Variants in UNC5C observed in about 807,000 individuals in gnomAD.
UNC5C encodes netrin receptor UNC5C.
A neutral mutation model predicts 99.8 loss-of-function variants in UNC5C; 47 were observed. The observed-to-expected ratio is 0.47, with a 90% CI of 0.37 to 0.60. The LOEUF is 0.60. Ranked by LOEUF, UNC5C falls within the 20% of genes least tolerant of loss-of-function variation. The pLI is 0.00. For missense variants in UNC5C, 1,062 were observed against 1,165.9 expected, an observed-to-expected ratio of 0.91 and a Z score of 1.30; for synonymous variants, 487 against 452.2, an observed-to-expected ratio of 1.08 and a Z score of -0.98.
intron 9 of UNC5C, among the ~76,000 whole-genome samples, chr4:95,218,179 C>A (rs1425971908): frequency 1.3e-5 from 2 of 152,090 alleles, no homozygotes; most frequent in Non-Finnish European, 2.9e-5. Context: ...ATACTCACAG[C>A]CTTGCCCAAA....
chr4:95,290,246 G>A (rs376932557), intron 3 of UNC5C, among the ~76,000 whole-genome samples: 3 of 152,056 alleles, frequency 2.0e-5, no homozygotes, highest in East Asian at 1.9e-4. Flanking sequence ...AGTTAAGGGT[G>A]CAGTGAACTA....
intron 1 of UNC5C, among the ~76,000 whole-genome samples, chr4:95,374,370 C>A (rs1411239216): frequency 6.6e-6 from 1 of 152,112 alleles, no homozygotes; most frequent in Non-Finnish European, 1.5e-5. Context: ...TCTTTAAGTG[C>A]TTTGAGTGTC....
chr4:95,426,101 G>A (rs1163917939), intron 1 of UNC5C, among the ~76,000 whole-genome samples: 2 of 152,114 alleles, frequency 1.3e-5, no homozygotes, highest in East Asian at 3.8e-4. Flanking sequence ...TGGCAACCCT[G>A]TGTCGGACAA....
intron 1 of UNC5C, among the ~76,000 whole-genome samples, chr4:95,371,177 G>A (rs1327554650): frequency 6.6e-6 from 1 of 152,148 alleles, no homozygotes; most frequent in Non-Finnish European, 1.5e-5. Flanking sequence ...ACTTCAGTGA[G>A]GCAGCCTTCC....
chr4:95,444,353 C>CG (rs1747033113), intron 1 of UNC5C, among the ~76,000 whole-genome samples: 1 of 141,266 alleles, frequency 7.1e-6, no homozygotes, highest in Admixed American at 7.2e-5. Flanking sequence ...TTTTTTGAGA[C>CG]GGAGTCTCGC....
chr4:95,509,587 T>C (rs191034630), intron 1 of UNC5C, among the ~76,000 whole-genome samples: 1 of 152,028 alleles, frequency 6.6e-6, no homozygotes, highest in Admixed American at 6.6e-5. Flanking sequence ...AAAATGTGTG[T>C]ACCCTGTTAT....
intron 1 of UNC5C, among the ~76,000 whole-genome samples, chr4:95,541,652 C>A (rs968783673): frequency 6.6e-6 from 1 of 151,706 alleles, no homozygotes; most frequent in Non-Finnish European, 1.5e-5. Flanking sequence ...TTATTATATA[C>A]TCTAAGTTTT....
rs191294042 is a variant in UNC5C, at chr4:95,198,269, G to T, written c.2136+4462C>A. ...CTCCCAAAGTGCTGGGATTACAGGCGTGAGTCACCGTGCCCAGTGAGGGAG... is the reference window on the plus strand; with the variant it reads ...CTCCCAAAGTGCTGGGATTACAGGCTTGAGTCACCGTGCCCAGTGAGGGAG... On this transcript the variant is annotated intron_variant, in intron 12 of 15. Transcript: ENST00000453304. 3.3e-5 allele frequency among the ~76,000 whole-genome samples: 5 copies of T among 152,038 alleles called. No homozygotes were observed. In the South Asian group the frequency reaches 8.3e-4, roughly 25 times the overall value.
At chr4:95,423,251 T>C (rs1746370902) in intron 1 of UNC5C, among the ~76,000 whole-genome samples, 1 of 152,156 alleles carries the variant, frequency 6.6e-6, no homozygotes, top group South Asian at 2.1e-4. Context: ...AAACTGTATT[T>C]TGGACCTCTG....
intron 1 of UNC5C, among the ~76,000 whole-genome samples, chr4:95,373,124 C>A (rs913711514): frequency 2.0e-5 from 3 of 152,128 alleles, no homozygotes; most frequent in Non-Finnish European, 4.4e-5. Flanking sequence ...ATAGTAATGG[C>A]CTCCTTGCAG....
At chr4:95,351,231 T>C (rs1391644534) in intron 1 of UNC5C, among the ~76,000 whole-genome samples, 2 of 152,006 alleles carry the variant, frequency 1.3e-5, no homozygotes, top group Non-Finnish European at 2.9e-5. Context: ...CCCCATGAGA[T>C]GGCATGTTCA....
At chr4:95,326,117 A>C (rs547883887) in intron 2 of UNC5C, among the ~76,000 whole-genome samples, 3 of 152,106 alleles carry the variant, frequency 2.0e-5, no homozygotes, top group Non-Finnish European at 4.4e-5. Context: ...TCAGATTCCT[A>C]ATTTACCAAA....
intron 6 of UNC5C, 127 bp from the exon 7 acceptor site, chr4:95,242,720 T>A: frequency 9.1e-7 from 1 of 1,097,792 alleles, no homozygotes; most frequent in Non-Finnish European, 1.3e-6. Flanking sequence ...AGCACTGTAT[T>A]CATTTCAATT....
chr4:95,309,918 C>CA lies in UNC5C; in HGVS notation c.347-8170dup, dbSNP rs1241884026. Among the ~76,000 whole-genome samples, 3 of 152,140 alleles carry CA rather than the reference C, an allele frequency of 2.0e-5. No homozygotes were observed. In the East Asian group the frequency reaches 5.8e-4, roughly 29 times the overall value. On this transcript the variant is annotated intron_variant, in intron 2 of 15. Transcript: ENST00000453304. ...GAAATAAAACTACCATATGATCCAGCAGTTCCACTAATAGGTGTATACCCA... is the reference window on the plus strand; with the variant it reads ...GAAATAAAACTACCATATGATCCAGCAAGTTCCACTAATAGGTGTATACCCA...
rs1457404564 is a variant in UNC5C, at chr4:95,169,246, T to C, written c.2784A>G (p.Glu928=). 1 of 1,614,160 alleles carries C rather than the reference T, an allele frequency of 6.2e-7. No homozygotes were observed. Among genetic ancestry groups the C allele is most frequent in the Admixed American group, 1.7e-5 (1 of 60,020 alleles). Residue 928 remains glutamate, a synonymous_variant, in exon 16 of 16, where the codon GAA becomes GAG. Coordinates refer to ENST00000453304, the MANE Select transcript of UNC5C (RefSeq NM_003728.4). ...TCCAGCATGGTGGTTAATACTGCCC[T>C]TCTGCTGCTAAGGACACCACCGTTT... ...RHETVVSLAA[E]GQY is the part of the protein sequence containing the mutation.
At chr4:95,242,906 G>A (rs990439692) in intron 6 of UNC5C, among the ~76,000 whole-genome samples, 2 of 152,124 alleles carry the variant, frequency 1.3e-5, no homozygotes, top group Admixed American at 6.5e-5. Context: ...CTATTAATGG[G>A]GGAGCTTCTG....
intron 7 of UNC5C, among the ~76,000 whole-genome samples, chr4:95,241,338 C>T (rs1224762129): frequency 1.3e-5 from 2 of 151,998 alleles, no homozygotes; most frequent in Non-Finnish European, 2.9e-5. Context: ...AAATAAGAGG[C>T]CTATTGGATT....
chr4:95,242,002 G>A (rs1739342786), intron 7 of UNC5C, among the ~76,000 whole-genome samples: 1 of 152,140 alleles, frequency 6.6e-6, no homozygotes, highest in Admixed American at 6.5e-5. Flanking sequence ...TCTACCTACA[G>A]AAATGTTTGT....
intron 1 of UNC5C, among the ~76,000 whole-genome samples, chr4:95,479,253 T>C (rs940433466): frequency 6.6e-6 from 1 of 151,992 alleles, no homozygotes; most frequent in Non-Finnish European, 1.5e-5. Context: ...AATATTATAT[T>C]CCATTAACTT....
Sources: allele counts gnomAD v4.1 joint callset (sites outside exome capture counted in the v4.1 genomes callset), GRCh38; gene constraint gnomAD v4.1.1; transcripts MANE v1.5; gene names NCBI Gene and HGNC (gene_info 2026-07-23, HGNC 2026-07-21).